ELP4: variants seen among roughly 807,000 people sequenced by gnomAD.
The protein encoded by ELP4 is elongator acetyltransferase complex subunit 4.
In ELP4, 51 loss-of-function variants were observed where a neutral mutation model predicts 48.9. The observed-to-expected ratio is 1.04, with a 90% confidence interval of 0.83 to 1.32. The LOEUF (loss-of-function observed/expected upper bound fraction) is 1.32, where lower values mean the gene tolerates loss of function less well. Among genes scored for constraint, ELP4 ranks in the 40% most tolerant of loss-of-function variants. The pLI is 0.00. For missense variants in ELP4, 519 were observed against 514.6 expected, an observed-to-expected ratio of 1.01 and a Z score of -0.08; for synonymous variants, 210 against 189.2, an observed-to-expected ratio of 1.11 and a Z score of -0.90.
At chr11:31,767,497 T>G (rs1027507645) in intron 9 of ELP4, 1 of 152,154 alleles carries the variant, frequency 6.6e-6, no homozygotes, top group Non-Finnish European at 1.5e-5. Flanking sequence ...TATGAGAAAT[T>G]ACTTCTGAAT....
intron 3 of ELP4, among the ~76,000 whole-genome samples, chr11:31,549,908 T>C (rs1200062795): frequency 6.6e-6 from 1 of 152,082 alleles, no homozygotes; most frequent in Non-Finnish European, 1.5e-5. Context: ...ACACCACACT[T>C]TATCACTCAT....
chr11:31,642,419 G>A (rs1026814853), intron 7 of ELP4, among the ~76,000 whole-genome samples: 1 of 151,750 alleles, frequency 6.6e-6, no homozygotes, highest in South Asian at 2.1e-4. Context: ...AACACAAAAA[G>A]TTGTGGCTCC....
intron 9 of ELP4, chr11:31,763,626 G>A (rs1947991135): frequency 7.0e-7 from 1 of 1,421,680 alleles, no homozygotes; most frequent in South Asian, 1.6e-5. Context: ...GAATGTTAAG[G>A]GATGATAGTT....
intron 9 of ELP4, among the ~76,000 whole-genome samples, chr11:31,722,070 T>A (rs1946974007): frequency 6.6e-6 from 1 of 152,170 alleles, no homozygotes. Context: ...GGGTGAAAAA[T>A]TGTAACTTAA....
intron 9 of ELP4, among the ~76,000 whole-genome samples, chr11:31,678,976 G>A (rs1945998307): frequency 6.6e-6 from 1 of 152,024 alleles, no homozygotes; most frequent in South Asian, 2.1e-4. Flanking sequence ...AAATGAGAGT[G>A]GCATCTCATT....
intron 9 of ELP4, among the ~76,000 whole-genome samples, chr11:31,704,239 A>T (rs1192374190): frequency 6.6e-6 from 1 of 152,124 alleles, no homozygotes; most frequent in Non-Finnish European, 1.5e-5. Flanking sequence ...AAAAAAAAAA[A>T]ATCTCACATG....
At chr11:31,758,243 T>C (rs1261862837) in intron 9 of ELP4, among the ~76,000 whole-genome samples, 2 of 152,240 alleles carry the variant, frequency 1.3e-5, no homozygotes, top group African/African-American at 4.8e-5. Flanking sequence ...CATCCCATGG[T>C]TGAATTTCCT....
chr11:31,661,343 A>G (rs1049817014), intron 9 of ELP4, among the ~76,000 whole-genome samples: 2 of 152,058 alleles, frequency 1.3e-5, no homozygotes, highest in Admixed American at 1.3e-4. Context: ...ATCATGAAGT[A>G]AGTATCCAAG....
Position 31,785,240 on chromosome 11 carries a change from A to C in ELP4, c.*1716A>C, listed in dbSNP as rs1444504867. The C allele has an allele frequency of 1.1e-5, 2 of 183,490 alleles. No individual in the cohort carries two copies. The allele number at this position is 183,490 out of a possible 1,614,324, so 11.4% of individuals were successfully genotyped here. On this transcript the variant is annotated 3_prime_UTR_variant, in exon 10 of 10. Transcript: ENST00000640961. Reference sequence around the variant, plus strand: ...ATTATGAACATTCTGAATAAATTCAAATGAGTATTTTAGTCAGTTTATTAT... The same window carrying C: ...ATTATGAACATTCTGAATAAATTCACATGAGTATTTTAGTCAGTTTATTAT...
At chr11:31,673,902 G>A (rs1476882328) in intron 9 of ELP4, among the ~76,000 whole-genome samples, 2 of 152,018 alleles carry the variant, frequency 1.3e-5, no homozygotes, top group Admixed American at 6.6e-5. Flanking sequence ...TTACTCTAAC[G>A]GAAATAGAGA....
At chr11:31,727,263 C>T (rs1160258457) in intron 9 of ELP4, among the ~76,000 whole-genome samples, 1 of 151,462 alleles carries the variant, frequency 6.6e-6, no homozygotes, top group African/African-American at 2.4e-5. Context: ...TAACTGCTAA[C>T]TAAAAATGTG....
At position 31,596,036 on chromosome 11, in the gene ELP4, C is replaced by CGG. The variant is rs530993582; in HGVS notation, c.513+1135_513+1136insGG. Among the ~76,000 whole-genome samples the CGG allele has an allele frequency of 1.6e-4, 24 of 152,254 alleles. No individual in the cohort carries two copies. The South Asian group carries it at 5.0e-3, about 32-fold the overall frequency. On this transcript the variant is annotated intron_variant, in intron 4 of 9. Coordinates refer to ENST00000640961, the MANE Select transcript of ELP4 (RefSeq NM_019040.5). ...CATCCTTCTCCAAGTTCAAATGTTA[C>CGG]TACCTCTTATGGCTTTCCATACTAA...
intron 7 of ELP4, among the ~76,000 whole-genome samples, chr11:31,636,296 T>G (rs933279266): frequency 6.6e-6 from 1 of 151,990 alleles, no homozygotes; most frequent in African/African-American, 2.4e-5. Flanking sequence ...GAAATGTAGT[T>G]GGATATCCTT....
intron 9 of ELP4, among the ~76,000 whole-genome samples, chr11:31,739,447 A>G (rs1947399371): frequency 6.6e-6 from 1 of 152,166 alleles, no homozygotes; most frequent in Non-Finnish European, 1.5e-5. Flanking sequence ...CATGGTAGAC[A>G]CGCTATGGAA....
chr11:31,647,730 A>G lies in ELP4; in HGVS notation c.928-11A>G, dbSNP rs745833536. The G allele has an allele frequency of 6.5e-6, 10 of 1,529,126 alleles. No individual in the cohort carries two copies. The highest frequency in any genetic ancestry group is 2.3e-5 in the East Asian group (1 of 44,294). 94.7% of individuals were successfully genotyped at this position (1,529,126 alleles called of 1,614,324 possible). A position where few individuals can be genotyped will look rare whatever the true frequency, so the allele number is the denominator to read the frequency against. The stretch of plus-strand genomic sequence containing the variant: ...TATTTAACGTTACTGTTTTGTTTCC[A>G]TGTTTTGCAGAATAAAGCCATTATT... On this transcript the variant is annotated splice_polypyrimidine_tract_variant and intron_variant, in intron 7 of 9. Transcript: ENST00000640961.
intron 9 of ELP4, among the ~76,000 whole-genome samples, chr11:31,700,757 T>G (rs959641123): frequency 6.6e-5 from 10 of 152,086 alleles, no homozygotes; most frequent in African/African-American, 2.4e-4. Flanking sequence ...AGCTGCATCA[T>G]TAGATTCACC....
intron 5 of ELP4, among the ~76,000 whole-genome samples, chr11:31,626,798 T>C (rs1379425427): frequency 6.6e-6 from 1 of 151,870 alleles, no homozygotes; most frequent in Non-Finnish European, 1.5e-5. Context: ...GGCTTCATCT[T>C]TTAGGTTGCT....
At chr11:31,763,630 G>A in intron 9 of ELP4, 1 of 1,406,490 alleles carries the variant, frequency 7.1e-7, no homozygotes, top group Non-Finnish European at 9.5e-7. Flanking sequence ...GTTAAGGGAT[G>A]ATAGTTTAAG....
chr11:31,719,518 T>C (rs1397986597), intron 9 of ELP4: 1 of 398,130 alleles, frequency 2.5e-6, no homozygotes, highest in Non-Finnish European at 4.4e-6. Context: ...GAAGATTTGA[T>C]TTTTTCCAAA....
Sources: allele counts gnomAD v4.1 joint callset (sites outside exome capture counted in the v4.1 genomes callset), GRCh38; gene constraint gnomAD v4.1.1; transcripts MANE v1.5; gene names NCBI Gene and HGNC (gene_info 2026-07-23, HGNC 2026-07-21).